The following MAPRE1 variants were observed in gnomAD, a reference collection of about 807,000 sequenced individuals.
MAPRE1 encodes the protein microtubule associated protein RP/EB family member 1.
MAPRE1 carries 5 observed loss-of-function variants against 32.1 expected under a neutral mutation model. The ratio of observed to expected loss-of-function variants is 0.16; its 90% CI spans 0.08 to 0.33. MAPRE1 has a LOEUF of 0.33. MAPRE1 is among the 10% of genes least tolerant of loss of function. The probability of loss-of-function intolerance (pLI) is 1.00; values close to 1 mark genes in which losing one functional copy is unlikely to be tolerated. For missense variants in MAPRE1, 209 were observed against 327.2 expected (o/e 0.64, Z 2.79); for synonymous variants, 122 against 118.9 (o/e 1.03, Z -0.17).
chr20:32,836,608 G>T, intron 3 of MAPRE1, 26 bp from the exon 4 acceptor site: 1 of 1,420,410 alleles, frequency 7.0e-7, no homozygotes, highest in Middle Eastern at 1.8e-4. Flanking sequence ...TCTTTTTTGG[G>T]GCTAAACAGT....
Position 32,819,960 on chromosome 20 carries a change from C to A in MAPRE1, c.-72C>A, listed in dbSNP as rs1262571352. On this transcript the variant is annotated 5_prime_UTR_variant, in exon 1 of 7. Transcript: ENST00000375571. ...GCGCGGGCGGGCGGGCGGGGTCTGG[C>A]GGTTTGAACGAGACGAAGACGGAAC... 1.3e-5 allele frequency: 2 copies of A among 150,856 alleles called. No homozygotes were observed. The highest frequency in any genetic ancestry group is 4.9e-5 in the African/African-American group (2 of 40,952). The allele number at this position is 150,856 out of a possible 1,614,324, so 9.3% of individuals were successfully genotyped here.
intron 5 of MAPRE1, 109 bp from the exon 6 acceptor site, chr20:32,846,509 G>A (rs912545329): frequency 2.4e-5 from 24 of 1,004,618 alleles, no homozygotes; most frequent in Non-Finnish European, 3.2e-5. Flanking sequence ...GTTTTTGTCT[G>A]TGTTGGGGTT....
At chr20:32,841,034 T>C (rs1443268212) in intron 5 of MAPRE1, among the ~76,000 whole-genome samples, 2 of 152,230 alleles carry the variant, frequency 1.3e-5, no homozygotes, top group Non-Finnish European at 2.9e-5. Context: ...CAGGCTGGTC[T>C]CCAACTCCTG....
chr20:32,844,439 C>CTTTT (rs71190880), intron 5 of MAPRE1, among the ~76,000 whole-genome samples: 4,775 of 52,130 alleles, frequency 0.092, 1,305 homozygotes, highest in East Asian at 0.19. Context: ...GCTAGCATTC[C>CTTTT]TTTTTTTTTT....
At chr20:32,836,306 C>T (rs1350550692) in intron 3 of MAPRE1, among the ~76,000 whole-genome samples, 1 of 152,244 alleles carries the variant, frequency 6.6e-6, no homozygotes, top group Non-Finnish European at 1.5e-5. Context: ...TATAGCGGAC[C>T]TACTCTTTAT....
Sources: gnomAD v4.1 joint callset for allele counts (sites outside exome capture counted in the v4.1 genomes callset) on GRCh38, gnomAD v4.1.1 for gene constraint, MANE v1.5 for transcripts, NCBI Gene and HGNC (gene_info 2026-07-23, HGNC 2026-07-21) for gene names.